Variants in OSBPL5 observed in about 807,000 individuals in gnomAD.
The protein encoded by OSBPL5 is oxysterol binding protein like 5.
A neutral mutation model predicts 111.2 loss-of-function variants in OSBPL5; 71 were observed. That is an observed-to-expected ratio of 0.64 (90% CI 0.53 to 0.78). OSBPL5 has a LOEUF of 0.78. Ranked by LOEUF, OSBPL5 falls within the 30% of genes least tolerant of loss-of-function variation. The probability of loss-of-function intolerance (pLI) is 0.00; values close to 1 mark genes in which losing one functional copy is unlikely to be tolerated. For synonymous variants in OSBPL5, 549 were observed against 513.9 expected, an observed-to-expected ratio of 1.07 and a Z score of -0.93; for missense variants, 1,210 against 1,189.3, an observed-to-expected ratio of 1.02 and a Z score of -0.26.
In OSBPL5 at chr11:3,092,707, G is replaced by A. The variant is rs369260852; in HGVS notation, c.2133-149C>T. On this transcript the variant is annotated intron_variant, in intron 18 of 21. Transcript: ENST00000263650. The surrounding 1 kb of genome is among the most constrained non-coding windows in gnomAD (Gnocchi z 5.4). Reference sequence around the variant, plus strand: ...ACCCCATGGGCAGGGCCTGCAGTAAGGACTGATGATGGGGGGTGTCACTAT... The same window carrying A: ...ACCCCATGGGCAGGGCCTGCAGTAAAGACTGATGATGGGGGGTGTCACTAT... The A allele has an allele frequency of 6.7e-6, 9 of 1,349,246 alleles. No individual in the cohort carries two copies. In the East Asian group the frequency reaches 2.0e-4, roughly 30 times the overall value. The allele number at this position is 1,349,246 out of a possible 1,614,324, so 83.6% of individuals were successfully genotyped here.
chr11:3,139,517 G>C (rs1250923948), intron 1 of OSBPL5, among the ~76,000 whole-genome samples: 1 of 152,200 alleles, frequency 6.6e-6, no homozygotes, highest in Non-Finnish European at 1.5e-5. Context: ...CCAGTGAGCT[G>C]GGGAAAGCCA....
At chr11:3,120,720 TG>T in intron 5 of OSBPL5, 96 bp from the exon 6 acceptor site, 1 of 1,408,966 alleles carries the variant, frequency 7.1e-7, no homozygotes, top group Non-Finnish European at 9.6e-7. Flanking sequence ...CAGACCAGGG[TG>T]GGCTGCCGAG....
At position 3,107,207 on chromosome 11, in the gene OSBPL5, G is replaced by A. The variant is rs1857728882; in HGVS notation, c.1059+56C>T. ...TGAGGCATGGCTACCTCTGCTTCCG[G>A]AACAAGGGGCCGAGGCAGGGGAGAC... On this transcript the variant is annotated intron_variant, in intron 9 of 21. Coordinates refer to ENST00000263650, the MANE Select transcript of OSBPL5 (RefSeq NM_020896.4). The surrounding 1 kb of genome is among the most constrained non-coding windows in gnomAD (Gnocchi z 6.1). 1 of 1,571,272 alleles carries A rather than the reference G, an allele frequency of 6.4e-7. No homozygotes were observed.
chr11:3,091,342 G>A (rs951091551), intron 19 of OSBPL5, among the ~76,000 whole-genome samples: 2 of 152,216 alleles, frequency 1.3e-5, no homozygotes, highest in African/African-American at 2.4e-5. Flanking sequence ...TGCCAGGGAC[G>A]CTCTGCATTG....
At chr11:3,091,149 G>T (rs1000274312) in intron 19 of OSBPL5, among the ~76,000 whole-genome samples, 1 of 151,176 alleles carries the variant, frequency 6.6e-6, no homozygotes, top group Admixed American at 6.6e-5. Context: ...GGCATCTCCA[G>T]GGGGGAACCC....
chr11:3,115,541 C>G (rs893856596), intron 7 of OSBPL5, among the ~76,000 whole-genome samples: 2 of 152,180 alleles, frequency 1.3e-5, no homozygotes, highest in South Asian at 2.1e-4. Flanking sequence ...GGCCCAGAGA[C>G]TATCCCAGAA....
intron 1 of OSBPL5, among the ~76,000 whole-genome samples, chr11:3,158,570 G>A (rs1846853446): frequency 6.6e-6 from 1 of 152,264 alleles, no homozygotes; most frequent in South Asian, 2.1e-4. Flanking sequence ...CACCCCACGT[G>A]CAGAAGCTAG....
Position 3,107,733 on chromosome 11 carries a change from T to C in OSBPL5, c.866+38A>G. 1 of 1,602,574 alleles carries C rather than the reference T, an allele frequency of 6.2e-7. No individual in the cohort carries two copies. Among genetic ancestry groups the C allele is most frequent in the Non-Finnish European group, 8.5e-7 (1 of 1,176,674 alleles). Reference sequence around the variant, plus strand: ...CTTCCTCGCCTACAAGGAGACCCCGTGAATCACCACCAGCCCCTGTGCCCT... The same window carrying C: ...CTTCCTCGCCTACAAGGAGACCCCGCGAATCACCACCAGCCCCTGTGCCCT... On this transcript the variant is annotated intron_variant, in intron 8 of 21. Transcript: ENST00000263650. The surrounding 1 kb of genome is among the most constrained non-coding windows in gnomAD (Gnocchi z 6.1).
chr11:3,131,699 T>TATCCACCCATCCATCCTCCC (rs1554902688), intron 1 of OSBPL5, among the ~76,000 whole-genome samples: 1 of 78,992 alleles, frequency 1.3e-5, no homozygotes, highest in Non-Finnish European at 2.8e-5. Context: ...CCCATTCATC[T>TATCCACCCATCCATCCTCCC]ATCCATCCAT....
In OSBPL5 at chr11:3,141,417, G is replaced by A. The variant is rs1000339596; in HGVS notation, c.-21-12248C>T. ...GCAGGTCCAGCCCCGAGGCCTCCTT[G>A]GTTCCCCTCAGAACAGAGCTTCCAG... On this transcript the variant is annotated intron_variant, in intron 1 of 21. Transcript: ENST00000263650. The surrounding 1 kb of genome is among the most constrained non-coding windows in gnomAD (Gnocchi z 6.5). 1.3e-5 allele frequency among the ~76,000 whole-genome samples: 2 copies of A among 152,104 alleles called. No homozygotes were observed. The highest frequency in any genetic ancestry group is 2.9e-5 in the Non-Finnish European group (2 of 68,028).
intron 1 of OSBPL5, among the ~76,000 whole-genome samples, chr11:3,151,218 G>A (rs1179954457): frequency 6.6e-6 from 1 of 152,152 alleles, no homozygotes; most frequent in Non-Finnish European, 1.5e-5. Flanking sequence ...CCTTCGGAGG[G>A]AGCGCAGCCC....
intron 3 of OSBPL5, among the ~76,000 whole-genome samples, chr11:3,123,782 A>T (rs1174750686): frequency 3.3e-5 from 5 of 152,204 alleles, no homozygotes; most frequent in Non-Finnish European, 7.3e-5. Context: ...GCCTGTATTC[A>T]TCCCCCTCAT....
rs1564856566 is a variant in OSBPL5 at position 3,142,454 on chromosome 11, C to T, written c.-21-13285G>A. Among the ~76,000 whole-genome samples, 2 of 152,186 alleles carry T rather than the reference C, an allele frequency of 1.3e-5. No individual in the cohort carries two copies. The highest frequency in any genetic ancestry group is 1.3e-4 in the Admixed American group (2 of 15,284). On this transcript the variant is annotated intron_variant, in intron 1 of 21. Transcript: ENST00000263650. The surrounding 1 kb of genome is among the most constrained non-coding windows in gnomAD (Gnocchi z 7.1). The stretch of plus-strand genomic sequence containing the variant: ...TCCATGCCCTGCTGCCACAAGGGCC[C>T]AGGATCCCTCCCCACTCGCTGCTCC...
intron 1 of OSBPL5, among the ~76,000 whole-genome samples, chr11:3,160,751 C>T (rs981308815): frequency 2.8e-5 from 4 of 145,244 alleles, no homozygotes; most frequent in Non-Finnish European, 4.5e-5. Flanking sequence ...CGCCGGGATA[C>T]TGAGCTCTCC....
chr11:3,120,317 A>G, intron 6 of OSBPL5, 104 bp downstream of exon 6: 2 of 1,412,992 alleles, frequency 1.4e-6, no homozygotes, highest in Non-Finnish European at 1.9e-6. Flanking sequence ...TCAAGGCCCC[A>G]AGGGGGCCAT....
chr11:3,163,378 C>T (rs1847020599), intron 1 of OSBPL5, among the ~76,000 whole-genome samples: 2 of 152,306 alleles, frequency 1.3e-5, no homozygotes, highest in Middle Eastern at 3.4e-3. Flanking sequence ...ACAGCCCTTC[C>T]ACCCGCCGGC....
chr11:3,145,078 C>T (rs145091283), intron 1 of OSBPL5, among the ~76,000 whole-genome samples: 1,533 of 152,328 alleles, frequency 0.01, 14 homozygotes, highest in Middle Eastern at 0.031. Flanking sequence ...AGGGGCACTG[C>T]GCTCCCCTCA....
At chr11:3,114,591 A>ACAT in intron 7 of OSBPL5, among the ~76,000 whole-genome samples, 1 of 113,904 alleles carries the variant, frequency 8.8e-6, no homozygotes, top group African/African-American at 3.5e-5. Context: ...TAGAACAATG[A>ACAT]TTTTTTTTTT....
intron 1 of OSBPL5, among the ~76,000 whole-genome samples, chr11:3,157,897 G>A (rs961517902): frequency 6.6e-6 from 1 of 152,220 alleles, no homozygotes; most frequent in Non-Finnish European, 1.5e-5. Flanking sequence ...CCTCGACCAC[G>A]GCAGCCGTGT....
Sources: allele counts gnomAD v4.1 joint callset (sites outside exome capture counted in the v4.1 genomes callset), GRCh38; gene constraint gnomAD v4.1.1; non-coding constraint Gnocchi (gnomAD v3.1); transcripts MANE v1.5; gene names NCBI Gene and HGNC (gene_info 2026-07-23, HGNC 2026-07-21).